RALGPS1: variants seen among roughly 807,000 people sequenced by gnomAD.
The protein encoded by RALGPS1 is Ral GEF with PH domain and SH3 binding motif 1, also known as ras-specific guanine nucleotide-releasing factor RalGPS1.
A neutral mutation model predicts 78.8 loss-of-function variants in RALGPS1; 19 were observed. The observed-to-expected ratio is 0.24, with a 90% CI of 0.17 to 0.35. RALGPS1 has a LOEUF of 0.35. Ranked by LOEUF, RALGPS1 falls within the 10% of genes least tolerant of loss-of-function variation. RALGPS1 has a pLI of 1.00. For synonymous variants in RALGPS1, 228 were observed against 256.3 expected, an observed-to-expected ratio of 0.89 and a Z score of 1.06; for missense variants, 454 against 688.3, an observed-to-expected ratio of 0.66 and a Z score of 3.81.
At chr9:126,981,649 C>T (rs771966035) in intron 4 of RALGPS1, among the ~76,000 whole-genome samples, 27 of 152,150 alleles carry the variant, frequency 1.8e-4, no homozygotes, top group African/African-American at 5.6e-4. Context: ...TCATTTAATC[C>T]GCATCACAGT....
intron 8 of RALGPS1, among the ~76,000 whole-genome samples, chr9:127,109,929 G>A (rs534392226): frequency 8.1e-4 from 123 of 152,318 alleles, no homozygotes; most frequent in African/African-American, 2.8e-3. Context: ...GGGAGGACAC[G>A]TGCTAGATCC....
At chr9:126,990,049 C>T (rs750893538) in intron 4 of RALGPS1, 35 of 1,542,054 alleles carry the variant, frequency 2.3e-5, no homozygotes, top group Admixed American at 1.0e-4. Flanking sequence ...TCTGAAGAAG[C>T]GGGCGTTCCA....
intron 7 of RALGPS1, among the ~76,000 whole-genome samples, chr9:127,064,476 A>G (rs1024513865): frequency 1.3e-5 from 2 of 152,254 alleles, no homozygotes; most frequent in Admixed American, 6.5e-5. Context: ...AAAAATCACT[A>G]AGTACTGAAA....
At chr9:127,049,672 C>T (rs1402760065) in intron 5 of RALGPS1, among the ~76,000 whole-genome samples, 1 of 152,204 alleles carries the variant, frequency 6.6e-6, no homozygotes, top group Non-Finnish European at 1.5e-5. Context: ...ATCCACCCAT[C>T]ATCTATGATC....
chr9:127,103,492 A>C lies in RALGPS1; in HGVS notation c.610+34136A>C, dbSNP rs150531622. 3.2e-3 allele frequency among the ~76,000 whole-genome samples: 487 copies of C among 152,376 alleles called. 1 individual carries two copies. The highest frequency in any genetic ancestry group is 6.8e-3 in the Middle Eastern group (2 of 294). On this transcript the variant is annotated intron_variant, in intron 8 of 18. Coordinates refer to ENST00000259351, the MANE Select transcript of RALGPS1 (RefSeq NM_014636.3). ...TATATGTTGAAAGACTTAGCTATACATTGAAATGCTGAGTAGAAGGAACCC... is the reference window on the plus strand; with the variant it reads ...TATATGTTGAAAGACTTAGCTATACCTTGAAATGCTGAGTAGAAGGAACCC...
At chr9:127,203,519 G>A (rs565204526) in intron 14 of RALGPS1, among the ~76,000 whole-genome samples, 6 of 152,264 alleles carry the variant, frequency 3.9e-5, no homozygotes, top group South Asian at 4.2e-4. Flanking sequence ...TAGGGGATGG[G>A]GGGGTCCTTG....
intron 4 of RALGPS1, among the ~76,000 whole-genome samples, chr9:127,012,056 G>A (rs546790126): frequency 1.3e-5 from 2 of 152,274 alleles, no homozygotes; most frequent in African/African-American, 4.8e-5. Context: ...GGGTGTGGAG[G>A]GCCCTGAAAC....
At chr9:126,924,942 G>A (rs1467814082) in intron 1 of RALGPS1, among the ~76,000 whole-genome samples, 3 of 151,700 alleles carry the variant, frequency 2.0e-5, no homozygotes, top group Non-Finnish European at 2.9e-5. Flanking sequence ...CCTGACCAAC[G>A]TGGAGAAACC....
At chr9:127,206,972 A>G (rs1339634653) in intron 14 of RALGPS1, among the ~76,000 whole-genome samples, 1 of 152,034 alleles carries the variant, frequency 6.6e-6, no homozygotes, top group Non-Finnish European at 1.5e-5. Flanking sequence ...GTCTCCAAGC[A>G]TCAGGTTCTT....
intron 8 of RALGPS1, among the ~76,000 whole-genome samples, chr9:127,072,389 A>T (rs1243908438): frequency 6.6e-6 from 1 of 151,904 alleles, no homozygotes; most frequent in Non-Finnish European, 1.5e-5. Context: ...ATTTTTTTGT[A>T]TTTTTTGTAG....
chr9:127,014,481 CT>C (rs777805644), intron 4 of RALGPS1, among the ~76,000 whole-genome samples: 16 of 152,182 alleles, frequency 1.1e-4, no homozygotes, highest in Non-Finnish European at 2.1e-4. Context: ...AGGAATCCTA[CT>C]CTGTCTAGAG....
intron 4 of RALGPS1, among the ~76,000 whole-genome samples, chr9:126,989,615 C>T (rs2042106169): frequency 6.6e-6 from 1 of 152,176 alleles, no homozygotes; most frequent in Admixed American, 6.5e-5. Flanking sequence ...TGCTGGTCCT[C>T]TCCCTCTAGT....
Position 127,202,904 on chromosome 9 carries a change from G to A in RALGPS1, c.1247+3838G>A, listed in dbSNP as rs6478764. Among the ~76,000 whole-genome samples the A allele has an allele frequency of 5.1e-3, 771 of 150,120 alleles. 3 individuals are homozygous for A. Among genetic ancestry groups the A allele is most frequent in the African/African-American group, 0.017 (693 of 39,818 alleles). On this transcript the variant is annotated intron_variant, in intron 14 of 18. Transcript: ENST00000259351. ...CTCCCAGGGAGGTGGGGAGGCGGCC[G>A]CAGGGCAGCGGCCGCAGGGCATTCA...
chr9:127,134,809 C>G (rs1450573767), intron 8 of RALGPS1, among the ~76,000 whole-genome samples: 1 of 152,122 alleles, frequency 6.6e-6, no homozygotes, highest in Non-Finnish European at 1.5e-5. Context: ...GCTCACTGTT[C>G]AGAGCTTCTG....
intron 1 of RALGPS1, among the ~76,000 whole-genome samples, chr9:126,958,142 A>AAAAAAAAAAATATAT (rs113413659): frequency 6.4e-4 from 49 of 77,042 alleles, no homozygotes; most frequent in South Asian, 2.1e-3. Flanking sequence ...AAAAAAAAAA[A>AAAAAAAAAAATATAT]ATATATATAT....
intron 10 of RALGPS1, among the ~76,000 whole-genome samples, chr9:127,174,306 AAAGAAAG>A (rs548431423): frequency 0.043 from 6,429 of 150,890 alleles, 482 homozygotes; most frequent in African/African-American, 0.15. Context: ...AAAGAGAAAG[AAAGAAAG>A]AAAAAAAAAG....
At chr9:126,980,225 C>T (rs1014201691) in intron 4 of RALGPS1, among the ~76,000 whole-genome samples, 5 of 152,150 alleles carry the variant, frequency 3.3e-5, no homozygotes, top group Admixed American at 1.3e-4. Flanking sequence ...GGCTGGACCA[C>T]CCCAGAGTTG....
chr9:127,218,871 G>A lies in RALGPS1; in HGVS notation c.*102G>A. 7.4e-7 allele frequency: 1 copy of A among 1,351,058 alleles called. No homozygotes were observed. The highest frequency in any genetic ancestry group is 1.2e-5 in the South Asian group (1 of 85,776). The allele number at this position is 1,351,058 out of a possible 1,614,324, so 83.7% of individuals were successfully genotyped here. Reference sequence around the variant, plus strand: ...GCACAGGCTGTGAGCCAGGGTGCTGGGAAACTCACAGCTGGACTCAGGGGA... The same window carrying A: ...GCACAGGCTGTGAGCCAGGGTGCTGAGAAACTCACAGCTGGACTCAGGGGA... On this transcript the variant is annotated 3_prime_UTR_variant, in exon 19 of 19. Transcript: ENST00000259351. The surrounding 1 kb of genome is among the most constrained non-coding windows in gnomAD (Gnocchi z 4.4).
chr9:127,103,842 C>T (rs1025772005), intron 8 of RALGPS1, among the ~76,000 whole-genome samples: 5 of 152,194 alleles, frequency 3.3e-5, no homozygotes, highest in Non-Finnish European at 4.4e-5. Flanking sequence ...CCAAATCAGA[C>T]ATTCACGGGG....
Sources: allele counts gnomAD v4.1 joint callset (sites outside exome capture counted in the v4.1 genomes callset), GRCh38; gene constraint gnomAD v4.1.1; non-coding constraint Gnocchi (gnomAD v3.1); transcripts MANE v1.5; gene names NCBI Gene and HGNC (gene_info 2026-07-23, HGNC 2026-07-21).